The following HPD variants were observed in gnomAD, a reference collection of about 807,000 sequenced individuals.
HPD encodes 4-hydroxyphenylpyruvate dioxygenase.
HPD carries 35 observed loss-of-function variants against 56.9 expected under a neutral mutation model. That is an observed-to-expected ratio of 0.62 (90% CI 0.47 to 0.82). The LOEUF (loss-of-function observed/expected upper bound fraction) is 0.82. Among genes scored for constraint, HPD ranks in the 40% least tolerant of loss-of-function variants. The pLI is 0.00. For missense variants in HPD, 442 were observed against 506.8 expected, an observed-to-expected ratio of 0.87 and a Z score of 1.23; for synonymous variants, 186 against 200.2, an observed-to-expected ratio of 0.93 and a Z score of 0.60.
chr12:121,870,943 C>G, the HPD span, among the ~76,000 whole-genome samples: 1 of 152,052 alleles, frequency 6.6e-6, no homozygotes, highest in East Asian at 1.9e-4. Flanking sequence ...AACATTAAAG[C>G]TTGCTCTGCT....
the HPD span, among the ~76,000 whole-genome samples, chr12:121,872,478 G>A: frequency 8.4e-4 from 128 of 151,958 alleles, no homozygotes; most frequent in African/African-American, 3.1e-3. Context: ...TGATCCACCT[G>A]CCTCAGCCTC....
chr12:121,874,886 C>T, the HPD span, among the ~76,000 whole-genome samples: 23 of 152,004 alleles, frequency 1.5e-4, no homozygotes, highest in Admixed American at 5.2e-4. Context: ...CTCAACCTCC[C>T]GAGTAGCTGG....
chr12:121,888,108 G>A, the HPD span, among the ~76,000 whole-genome samples: 24 of 152,260 alleles, frequency 1.6e-4, no homozygotes, highest in African/African-American at 5.5e-4. Context: ...TTAGAACAGC[G>A]TCTGGCACAT....
At chr12:121,871,198 CA>C in the HPD span, among the ~76,000 whole-genome samples, 16 of 151,326 alleles carry the variant, frequency 1.1e-4, no homozygotes, top group South Asian at 2.1e-4. Context: ...CCCATTTCTA[CA>C]AAAAAAAACC....
rs1171382614 is a variant in HPD at position 121,857,790 on chromosome 12, G to A, written c.60C>T (p.His20=). 2 of 1,614,100 alleles carry A rather than the reference G, an allele frequency of 1.2e-6. No homozygotes were observed. Among genetic ancestry groups the A allele is most frequent in the Admixed American group, 1.7e-5 (1 of 60,014 alleles). Residue 20 remains histidine (H), a synonymous_variant, in exon 3 of 14, where the codon CAC becomes CAT. Transcript: ENST00000289004. ...KPERGRFLHF[H]SVTFWVGNAK... ...CGTTGCCAACCCAGAAGGTCACAGA[G>A]TGGAAGTGGAGGAATCGGCCTCTCT...
upstream of HPD, chr12:121,863,536 G>A (rs571660810): frequency 6.6e-6 from 1 of 152,250 alleles, no homozygotes; most frequent in Non-Finnish European, 1.5e-5. Flanking sequence ...ACTCACCTTA[G>A]TAAGGCTGTC....
upstream of HPD, chr12:121,859,235 C>T (rs558187782): frequency 5.4e-4 from 177 of 326,070 alleles, no homozygotes; most frequent in African/African-American, 2.9e-3. Context: ...GCCCCAAAGT[C>T]CTGTTTGCGT....
intron 3 of HPD, 58 bp downstream of exon 3, chr12:121,857,699 G>A (rs1198762974): frequency 4.2e-6 from 6 of 1,440,756 alleles, no homozygotes; most frequent in Non-Finnish European, 5.9e-6. Flanking sequence ...GCCTGCCCTT[G>A]TCAGGCAGCC....
chr12:121,854,497 C>T lies in HPD; in HGVS notation c.414+206G>A, dbSNP rs1049099079. ...ACCCCCTTGCTGTCATCCTCCCGCACTGGGAGGAAGGGAAGCCTGGGAGGA... is the reference window on the plus strand; with the variant it reads ...ACCCCCTTGCTGTCATCCTCCCGCATTGGGAGGAAGGGAAGCCTGGGAGGA... On this transcript the variant is annotated intron_variant, in intron 7 of 13. Coordinates refer to ENST00000289004, the MANE Select transcript of HPD (RefSeq NM_002150.3). Among the ~76,000 whole-genome samples, 5 of 152,170 alleles carry T rather than the reference C, an allele frequency of 3.3e-5. 1 individual carries two copies. The highest frequency in any genetic ancestry group is 7.3e-5 in the Non-Finnish European group (5 of 68,032).
At chr12:121,860,381 A>T (rs566392465), upstream of HPD, among the ~76,000 whole-genome samples, 25 of 152,186 alleles carry the variant, frequency 1.6e-4, no homozygotes, top group Non-Finnish European at 3.5e-4. Flanking sequence ...GCCAATGTTT[A>T]CTAACTCAAG....
chr12:121,857,747 C>T lies in HPD; in HGVS notation c.93+10G>A, dbSNP rs755545913. The T allele has an allele frequency of 3.5e-5, 57 of 1,612,582 alleles. 1 individual carries two copies. The Middle Eastern group carries it at 4.9e-4, about 14-fold the overall frequency. On this transcript the variant is annotated intron_variant, in intron 3 of 13. Transcript: ENST00000289004. ...GTCTGCTCACTCCAGCACCTTGCCCCGGCTTCTACCTGCTTGGCGTTGCCA... is the reference window on the plus strand; with the variant it reads ...GTCTGCTCACTCCAGCACCTTGCCCTGGCTTCTACCTGCTTGGCGTTGCCA...
In HPD at chr12:121,856,361, A is replaced by G. The variant is rs375336061; in HGVS notation, c.287T>C (p.Ile96Thr). Residue 96 changes from isoleucine (I) to threonine (T), a missense_variant, in exon 6 of 14, where the codon ATT (isoleucine) becomes ACT (threonine). Ile to Thr is a moderately conservative substitution (Grantham distance 89). Coordinates refer to ENST00000289004, the MANE Select transcript of HPD (RefSeq NM_002150.3). ...GTCACAATCTTCCACCTCGAACGCA[A>G]TGTCCTTCACTCCGTCACCGTGTTT... is the stretch of plus-strand genomic sequence containing the variant. ...LVKHGDGVKD[I>T]AFEVEDCDYI... 1.9e-6 allele frequency: 3 copies of G among 1,613,988 alleles called. No individual in the cohort carries two copies. The highest frequency in any genetic ancestry group is 1.1e-5 in the South Asian group (1 of 91,062).
chr12:121,864,098 T>G (rs1256099734), upstream of HPD, among the ~76,000 whole-genome samples: 1 of 142,600 alleles, frequency 7.0e-6, no homozygotes, highest in Non-Finnish European at 1.5e-5. Flanking sequence ...AAAAAAAAAT[T>G]AGCTGGGCAT....
upstream of HPD, among the ~76,000 whole-genome samples, chr12:121,861,750 C>T (rs777856555): frequency 3.9e-5 from 6 of 152,176 alleles, no homozygotes; most frequent in Non-Finnish European, 8.8e-5. Context: ...TTTTTACAGG[C>T]GTCCACCCGG....
At chr12:121,862,596 CTTTTTTTTTTT>C (rs146807602), upstream of HPD, among the ~76,000 whole-genome samples, 1 of 43,068 alleles carries the variant, frequency 2.3e-5, no homozygotes, top group Non-Finnish European at 3.7e-5. Context: ...CGCTCTCGGC[CTTTTTTTTTTT>C]TTTTTTTTTT....
chr12:121,854,352 CT>C (rs1877915319), intron 7 of HPD, among the ~76,000 whole-genome samples: 2 of 152,232 alleles, frequency 1.3e-5, no homozygotes, highest in African/African-American at 4.8e-5. Context: ...CAGTTCCAGT[CT>C]TTGCTCATTT....
At chr12:121,858,045 G>A (rs953869249) in intron 2 of HPD, among the ~76,000 whole-genome samples, 2 of 133,194 alleles carry the variant, frequency 1.5e-5, no homozygotes, top group Non-Finnish European at 3.5e-5. Context: ...GCCTGCCAAG[G>A]TTTCACACAG....
the HPD span, among the ~76,000 whole-genome samples, chr12:121,885,185 C>T: frequency 5.3e-5 from 8 of 151,604 alleles, no homozygotes; most frequent in African/African-American, 1.9e-4. Flanking sequence ...GCCACCATGC[C>T]CGGCCTTACA....
chr12:121,877,050 C>T, the HPD span, among the ~76,000 whole-genome samples: 1 of 146,336 alleles, frequency 6.8e-6, no homozygotes, highest in Non-Finnish European at 1.5e-5. Context: ...GCCAAGATTG[C>T]GTCACTGTAC....
Sources: allele counts gnomAD v4.1 joint callset (sites outside exome capture counted in the v4.1 genomes callset), GRCh38; gene constraint gnomAD v4.1.1; transcripts MANE v1.5; gene names NCBI Gene and HGNC (gene_info 2026-07-23, HGNC 2026-07-21).